CMTM4: variants seen among roughly 807,000 people sequenced by gnomAD.
CMTM4 encodes CKLF like MARVEL transmembrane domain containing 4, also known as CKLF-like MARVEL transmembrane domain-containing protein 4.
Under a neutral mutation model 19.0 loss-of-function variants are expected in CMTM4, and 8 were observed. The observed-to-expected ratio is 0.42, with a 90% CI of 0.25 to 0.76. The LOEUF is 0.76. CMTM4 is among the 30% of genes least tolerant of loss of function. The pLI, the probability that CMTM4 is intolerant of heterozygous loss-of-function variation, is 0.27. For synonymous variants in CMTM4, 106 were observed against 121.1 expected (o/e 0.88, Z 0.82); for missense variants, 228 against 290.2 (o/e 0.79, Z 1.56).
intron 1 of CMTM4, among the ~76,000 whole-genome samples, chr16:66,651,122 A>C (rs2016302205): frequency 6.6e-6 from 1 of 152,178 alleles, no homozygotes; most frequent in Admixed American, 6.5e-5. Context: ...GAGAATCCAG[A>C]GGGGGCAGCA....
At chr16:66,662,128 T>A (rs1168605831) in intron 1 of CMTM4, among the ~76,000 whole-genome samples, 1 of 152,138 alleles carries the variant, frequency 6.6e-6, no homozygotes, top group African/African-American at 2.4e-5. Context: ...CCAAGTATCA[T>A]AAATTTGGAA....
chr16:66,647,347 C>CT (rs2016224058), intron 1 of CMTM4, among the ~76,000 whole-genome samples: 1 of 148,912 alleles, frequency 6.7e-6, no homozygotes, highest in East Asian at 2.0e-4. Context: ...AAAAAAAGTC[C>CT]TTTTAAAAAG....
chr16:66,672,649 T>A (rs4258603), intron 1 of CMTM4, among the ~76,000 whole-genome samples: 2 of 151,744 alleles, frequency 1.3e-5, no homozygotes, highest in African/African-American at 4.8e-5. Flanking sequence ...TTTTTTGAGA[T>A]GGAGTCTCTG....
At position 66,618,378 on chromosome 16, in the gene CMTM4, C is replaced by G; in HGVS notation, c.*3680G>C. ...TGAACACAGATGAGACAATAGGAAC[C>G]CTTAAATCATCACTGCCTTGCAGAA... On this transcript the variant is annotated 3_prime_UTR_variant, in exon 4 of 4. Transcript: ENST00000394106. 3 of 985,410 alleles carry G rather than the reference C, an allele frequency of 3.0e-6. No individual in the cohort carries two copies. Among genetic ancestry groups the G allele is most frequent in the Non-Finnish European group, 3.6e-6 (3 of 829,928 alleles). The allele number at this position is 985,410 out of a possible 1,614,324, so 61.0% of individuals were successfully genotyped here.
intron 1 of CMTM4, among the ~76,000 whole-genome samples, chr16:66,676,203 C>T (rs763677062): frequency 1.1e-4 from 17 of 152,174 alleles, no homozygotes; most frequent in South Asian, 4.1e-4. Flanking sequence ...AGTACATTCA[C>T]TTGGGCAATT....
downstream of CMTM4, chr16:66,609,864 C>T (rs377524199): frequency 3.7e-6 from 6 of 1,614,194 alleles, no homozygotes; most frequent in African/African-American, 6.7e-5. The surrounding 1 kb of genome is among the most constrained non-coding windows in gnomAD (Gnocchi z 4.4). Flanking sequence ...GTGATGCATC[C>T]CATCCACCCT....
At chr16:66,695,809 G>A (rs1473762688) in intron 1 of CMTM4, among the ~76,000 whole-genome samples, 2 of 152,062 alleles carry the variant, frequency 1.3e-5, no homozygotes, top group Non-Finnish European at 2.9e-5. Flanking sequence ...GCATATCTGG[G>A]CTCCTCCACT....
chr16:66,608,122 A>T, the CMTM4 span, among the ~76,000 whole-genome samples: 66 of 152,288 alleles, frequency 4.3e-4, no homozygotes, highest in African/African-American at 1.5e-3. The surrounding 1 kb of genome is among the most constrained non-coding windows in gnomAD (Gnocchi z 5.1). Context: ...CTAGGATTAC[A>T]GGTGTGAGCC....
chr16:66,624,989 T>C lies in CMTM4; in HGVS notation c.364-1487A>G, dbSNP rs1435733882. Among the ~76,000 whole-genome samples the C allele has an allele frequency of 2.0e-5, 3 of 151,998 alleles. No individual in the cohort carries two copies. In the East Asian group the frequency reaches 5.8e-4, roughly 29 times the overall value. On this transcript the variant is annotated intron_variant, in intron 2 of 3. Coordinates refer to ENST00000394106, the MANE Select transcript of CMTM4 (RefSeq NM_181521.3). Reference sequence around the variant, plus strand: ...ACACTCAGCTCTGGGTAAGATGCTGTAGGGGTAAAAAAAGAATATAAAATA... The same window carrying C: ...ACACTCAGCTCTGGGTAAGATGCTGCAGGGGTAAAAAAAGAATATAAAATA...
intron 1 of CMTM4, among the ~76,000 whole-genome samples, chr16:66,675,749 C>T (rs895856323): frequency 2.6e-5 from 4 of 152,180 alleles, no homozygotes; most frequent in Non-Finnish European, 5.9e-5. Flanking sequence ...ACCACCACCT[C>T]CACCAGCGCC....
At chr16:66,612,610 A>G, downstream of CMTM4, 1 of 1,613,976 alleles carries the variant, frequency 6.2e-7, no homozygotes, top group Non-Finnish European at 8.5e-7. The surrounding 1 kb of genome is among the most constrained non-coding windows in gnomAD (Gnocchi z 6.0). Flanking sequence ...TCCTTTCAGA[A>G]GAGAATTCCG....
chr16:66,674,892 C>A (rs2016780442), intron 1 of CMTM4, among the ~76,000 whole-genome samples: 1 of 151,456 alleles, frequency 6.6e-6, no homozygotes, highest in Non-Finnish European at 1.5e-5. Context: ...CAGGTGCCTG[C>A]CACCACACCC....
chr16:66,624,636 G>A (rs1479025060), intron 2 of CMTM4, among the ~76,000 whole-genome samples: 1 of 152,052 alleles, frequency 6.6e-6, no homozygotes, highest in Non-Finnish European at 1.5e-5. Flanking sequence ...GCATGGTGGC[G>A]CATGCCTGTA....
chr16:66,618,155 G>A lies in CMTM4; in HGVS notation c.*3903C>T, dbSNP rs1015059277. ...TCACTAGGAAATAACAAGGCACCTA[G>A]AGACTTCACAAGCTAATGGCAGTCC... On this transcript the variant is annotated 3_prime_UTR_variant, in exon 4 of 4. Transcript: ENST00000394106. 1.0e-6 allele frequency: 1 copy of A among 985,338 alleles called. No individual in the cohort carries two copies. The highest frequency in any genetic ancestry group is 1.2e-6 in the Non-Finnish European group (1 of 829,942). 61.0% of individuals were successfully genotyped at this position (985,338 alleles called of 1,614,324 possible).
chr16:66,671,645 G>C (rs1051751203), intron 1 of CMTM4, among the ~76,000 whole-genome samples: 2 of 152,168 alleles, frequency 1.3e-5, no homozygotes, highest in Non-Finnish European at 2.9e-5. Flanking sequence ...CACAAGAGGA[G>C]TGGGCACCTG....
At chr16:66,631,768 C>T (rs926666116) in intron 2 of CMTM4, among the ~76,000 whole-genome samples, 1 of 152,122 alleles carries the variant, frequency 6.6e-6, no homozygotes, top group African/African-American at 2.4e-5. Context: ...TCCCTAATCT[C>T]AAGTACCCAG....
the CMTM4 span, among the ~76,000 whole-genome samples, chr16:66,600,136 G>GTGGTTTTTTTTT: frequency 7.4e-6 from 1 of 135,164 alleles, no homozygotes; most frequent in African/African-American, 2.9e-5. Context: ...GTGTGTGTGT[G>GTGGTTTTTTTTT]TTTTTTTTTG....
downstream of CMTM4, chr16:66,611,046 C>T (rs1481304961): frequency 3.0e-5 from 12 of 397,112 alleles, no homozygotes; most frequent in East Asian, 3.9e-4. Flanking sequence ...AATTAGTAAA[C>T]GTCAGTGGAA....
intron 1 of CMTM4, among the ~76,000 whole-genome samples, chr16:66,687,255 A>T (rs1246472981): frequency 1.3e-5 from 2 of 152,062 alleles, no homozygotes; most frequent in African/African-American, 4.8e-5. Context: ...AATTACAAAG[A>T]AAGTCATGAA....
Sources: gnomAD v4.1 joint callset for allele counts (sites outside exome capture counted in the v4.1 genomes callset) on GRCh38, gnomAD v4.1.1 for gene constraint, Gnocchi (gnomAD v3.1) non-coding constraint, MANE v1.5 for transcripts, NCBI Gene and HGNC (gene_info 2026-07-23, HGNC 2026-07-21) for gene names.